The following CCR5AS variants were observed in gnomAD, a reference collection of about 807,000 sequenced individuals.
CCR5AS encodes CCR5 antisense RNA.
intron 3 of CCR5AS, among the ~76,000 whole-genome samples, chr3:46,365,703 G>A (rs1161280481): frequency 6.6e-6 from 1 of 152,106 alleles, no homozygotes; most frequent in Non-Finnish European, 1.5e-5. Flanking sequence ...GGCTCCAAAT[G>A]GATCTAGATA....
chr3:46,378,898 G>C (rs576026463), intron 2 of CCR5AS, among the ~76,000 whole-genome samples: 1 of 152,024 alleles, frequency 6.6e-6, no homozygotes, highest in African/African-American at 2.4e-5. Flanking sequence ...TGCATAAAAT[G>C]CTTCAAGCTC....
At chr3:46,402,317 T>C (rs1197640235) in intron 1 of CCR5AS, among the ~76,000 whole-genome samples, 1 of 152,198 alleles carries the variant, frequency 6.6e-6, no homozygotes, top group Non-Finnish European at 1.5e-5. Flanking sequence ...ATCAGCCAAT[T>C]ATGGGAAAGA....
At chr3:46,372,532 A>G (rs549257838) in intron 2 of CCR5AS, 59 of 93,354 alleles carry the variant, frequency 6.3e-4, no homozygotes, top group African/African-American at 1.7e-3. Context: ...CTGTCTCACA[A>G]CAACAACAAC....
chr3:46,370,465 C>T lies in CCR5AS; in HGVS notation n.565+779G>A, dbSNP rs1340962349. On this transcript the variant is annotated intron_variant and non_coding_transcript_variant, in intron 3 of 3. Transcript: ENST00000451485. ...GGGGACACAGGGTTAATGTGAAGTC[C>T]AGGATCCCCCTCTACATTTAAAGTT... 2.0e-5 allele frequency among the ~76,000 whole-genome samples: 3 copies of T among 152,138 alleles called. No individual in the cohort carries two copies. The South Asian group carries it at 6.2e-4, about 31-fold the overall frequency.
intron 3 of CCR5AS, among the ~76,000 whole-genome samples, chr3:46,367,325 T>C: frequency 1.3e-5 from 2 of 151,722 alleles, no homozygotes; most frequent in South Asian, 4.2e-4. Context: ...TAAAGAATTT[T>C]TTAATAATAT....
Position 46,375,262 on chromosome 3 carries a change from C to T in CCR5AS, n.392-3845G>A, listed in dbSNP as rs529611447. ...GGAGGAGACTAGATTTATGAATACA[C>T]GAGGTATGAGGTCTAGGAACATACT... On this transcript the variant is annotated intron_variant and non_coding_transcript_variant, in intron 2 of 3. Coordinates refer to ENST00000451485, the Ensembl canonical transcript of CCR5AS. 1.2e-3 allele frequency: 197 copies of T among 167,054 alleles called. 2 individuals are homozygous for T. Among genetic ancestry groups the T allele is most frequent in the South Asian group, 1.2e-3 (6 of 4,816 alleles). 10.3% of individuals were successfully genotyped at this position (167,054 alleles called of 1,614,324 possible).
chr3:46,367,117 C>T (rs1701606992), intron 3 of CCR5AS, among the ~76,000 whole-genome samples: 1 of 152,150 alleles, frequency 6.6e-6, no homozygotes, highest in Non-Finnish European at 1.5e-5. Context: ...AAGTTAAAGA[C>T]AGGCTTATTT....
intron 2 of CCR5AS, among the ~76,000 whole-genome samples, chr3:46,381,113 T>C (rs1275456281): frequency 6.6e-6 from 1 of 152,240 alleles, no homozygotes. Context: ...GTTTTCACCC[T>C]TCCTTTCCAA....
At chr3:46,396,862 T>G (rs1236831766) in intron 1 of CCR5AS, among the ~76,000 whole-genome samples, 1 of 152,212 alleles carries the variant, frequency 6.6e-6, no homozygotes. Context: ...TCAGAGAGCC[T>G]GAGCCCTGGA....
chr3:46,389,490 G>A (rs1213073876), intron 2 of CCR5AS, among the ~76,000 whole-genome samples: 2 of 152,210 alleles, frequency 1.3e-5, no homozygotes, highest in East Asian at 1.9e-4. Flanking sequence ...AAGATTAGCA[G>A]CCTGGCGAAT....
At chr3:46,376,990 T>C (rs1701767798) in intron 2 of CCR5AS, among the ~76,000 whole-genome samples, 1 of 151,964 alleles carries the variant, frequency 6.6e-6, no homozygotes, top group South Asian at 2.1e-4. Flanking sequence ...CTTTCATCTG[T>C]TAGGGTAAAA....
intron 2 of CCR5AS, among the ~76,000 whole-genome samples, chr3:46,377,007 A>T (rs1179498375): frequency 6.6e-6 from 1 of 152,156 alleles, no homozygotes; most frequent in African/African-American, 2.4e-5. Flanking sequence ...AAAAGGTAGA[A>T]TGAACCAAGG....
chr3:46,392,303 C>A (rs1278397311), intron 2 of CCR5AS, among the ~76,000 whole-genome samples: 1 of 152,122 alleles, frequency 6.6e-6, no homozygotes, highest in Non-Finnish European at 1.5e-5. Context: ...GGCTTATAAG[C>A]CCCTTAAAAT....
At chr3:46,365,451 A>ATAG (rs1701590669) in intron 3 of CCR5AS, among the ~76,000 whole-genome samples, 2 of 152,252 alleles carry the variant, frequency 1.3e-5, no homozygotes, top group African/African-American at 2.4e-5. Flanking sequence ...ATACTATTGC[A>ATAG]TACTTAATAG....
chr3:46,390,082 A>AGAAAG (rs1180027586), intron 2 of CCR5AS, among the ~76,000 whole-genome samples: 2 of 152,188 alleles, frequency 1.3e-5, no homozygotes, highest in Non-Finnish European at 2.9e-5. Flanking sequence ...ATGGGTGAAA[A>AGAAAG]GAAAGCAGAT....
At chr3:46,391,591 C>T (rs964791822) in intron 2 of CCR5AS, among the ~76,000 whole-genome samples, 1 of 152,124 alleles carries the variant, frequency 6.6e-6, no homozygotes, top group Non-Finnish European at 1.5e-5. Context: ...AGAGCCTAAA[C>T]GCTAACTGAT....
At chr3:46,385,885 C>T (rs1042190320) in intron 2 of CCR5AS, among the ~76,000 whole-genome samples, 1 of 152,008 alleles carries the variant, frequency 6.6e-6, no homozygotes, top group African/African-American at 2.4e-5. Context: ...GGACTACAGG[C>T]GCCCACCACA....
intron 1 of CCR5AS, among the ~76,000 whole-genome samples, chr3:46,393,987 T>C (rs956040868): frequency 6.6e-6 from 1 of 152,250 alleles, no homozygotes; most frequent in African/African-American, 2.4e-5. Context: ...TTCAGTCAAA[T>C]GCAAGATGCG....
chr3:46,373,606 G>A, intron 2 of CCR5AS: 1 of 1,614,010 alleles, frequency 6.2e-7, no homozygotes, highest in South Asian at 1.1e-5. Context: ...AGGGCTGTGA[G>A]GCTTATCTTC....
Sources: gnomAD v4.1 joint callset for allele counts (sites outside exome capture counted in the v4.1 genomes callset) on GRCh38, gnomAD v4.1.1 for gene constraint, MANE v1.5 for transcripts, NCBI Gene and HGNC (gene_info 2026-07-23, HGNC 2026-07-21) for gene names.